ZNF423: variants seen among roughly 807,000 people sequenced by gnomAD.
The protein encoded by ZNF423 is Ebf-associated zinc finger protein.
In ZNF423, 12 loss-of-function variants were observed where a neutral mutation model predicts 95.8. The ratio of observed to expected loss-of-function variants is 0.13; its 90% CI spans 0.08 to 0.20. ZNF423 has a LOEUF of 0.20. Ranked by LOEUF, ZNF423 falls within the 10% of genes least tolerant of loss-of-function variation. The pLI is 1.00. For missense variants in ZNF423, 1,316 were observed against 1,737.1 expected (o/e 0.76, Z 4.31); for synonymous variants, 749 against 711.9 (o/e 1.05, Z -0.83).
chr16:49,584,001 G>C (rs996032426), intron 5 of ZNF423, among the ~76,000 whole-genome samples: 1 of 152,238 alleles, frequency 6.6e-6, no homozygotes, highest in African/African-American at 2.4e-5. Flanking sequence ...GCCAGGCCTA[G>C]AAGATGCTAG....
In ZNF423 at chr16:49,665,445, C is replaced by T. The variant is rs565834891; in HGVS notation, c.302-26571G>A. Among the ~76,000 whole-genome samples the T allele has an allele frequency of 7.9e-5, 12 of 152,190 alleles. No individual in the cohort carries two copies. In the East Asian group the frequency reaches 2.3e-3, roughly 29 times the overall value. On this transcript the variant is annotated intron_variant, in intron 3 of 7. Coordinates refer to ENST00000563137, the MANE Select transcript of ZNF423 (RefSeq NM_001379286.1). The stretch of plus-strand genomic sequence containing the variant: ...GTGGGGCCTGGGGGGAGAACAGGGG[C>T]GCAGTAAGGGTGCCAGAGCCCTCCT...
chr16:49,601,273 G>A (rs1410789051), intron 5 of ZNF423, among the ~76,000 whole-genome samples: 1 of 152,172 alleles, frequency 6.6e-6, no homozygotes, highest in Admixed American at 6.5e-5. Flanking sequence ...ACATCCGCTG[G>A]CTGTGTCACC....
At chr16:49,713,986 C>A (rs1399647322) in intron 3 of ZNF423, among the ~76,000 whole-genome samples, 5 of 152,192 alleles carry the variant, frequency 3.3e-5, no homozygotes, top group Non-Finnish European at 7.3e-5. Context: ...TCCCACAGGG[C>A]AGACAAGTCA....
At chr16:49,550,304 C>A (rs1245302625) in intron 5 of ZNF423, among the ~76,000 whole-genome samples, 1 of 152,232 alleles carries the variant, frequency 6.6e-6, no homozygotes, top group Non-Finnish European at 1.5e-5. Flanking sequence ...TCTGACATTA[C>A]CCTTCCCTTT....
intron 5 of ZNF423, among the ~76,000 whole-genome samples, chr16:49,622,536 G>T (rs371997763): frequency 6.6e-6 from 1 of 152,158 alleles, no homozygotes; most frequent in African/African-American, 2.4e-5. Context: ...CGAAGGCAAC[G>T]TCCCCCCTCT....
chr16:49,558,887 G>A (rs762228951), intron 5 of ZNF423, among the ~76,000 whole-genome samples: 2 of 152,206 alleles, frequency 1.3e-5, no homozygotes, highest in African/African-American at 4.8e-5. Flanking sequence ...GGAAGCGAGC[G>A]GGGTTTTGGG....
chr16:49,564,430 T>G (rs1439078059), intron 5 of ZNF423, among the ~76,000 whole-genome samples: 1 of 152,184 alleles, frequency 6.6e-6, no homozygotes, highest in African/African-American at 2.4e-5. Context: ...ACCCCTTCTG[T>G]GGCCTTGAGT....
At position 49,544,238 on chromosome 16, in the gene ZNF423, G is replaced by A. The variant is rs117122646; in HGVS notation, c.3602-18744C>T. On this transcript the variant is annotated intron_variant, in intron 5 of 7. Coordinates refer to ENST00000563137, the MANE Select transcript of ZNF423 (RefSeq NM_001379286.1). ...AGGTGAGGCCAGTGCTTGCCTTTGA[G>A]GGAGGCAATAGCAGGAAGGAGTGCA... Among the ~76,000 whole-genome samples, 64 of 152,346 alleles carry A rather than the reference G, an allele frequency of 4.2e-4. No homozygotes were observed. The East Asian group carries it at 0.012, about 28-fold the overall frequency.
rs1966934380 is a variant in ZNF423 at position 49,491,000 on chromosome 16, G to T, written c.*275C>A. 1 of 465,776 alleles carries T rather than the reference G, an allele frequency of 2.1e-6. No individual in the cohort carries two copies. The highest frequency in any genetic ancestry group is 3.3e-5 in the Admixed American group (1 of 29,906). The allele number at this position is 465,776 out of a possible 1,614,324, so 28.9% of individuals were successfully genotyped here. A position where few individuals can be genotyped will look rare whatever the true frequency, so the allele number is the denominator to read the frequency against. On this transcript the variant is annotated 3_prime_UTR_variant, in exon 8 of 8. Coordinates refer to ENST00000563137, the MANE Select transcript of ZNF423 (RefSeq NM_001379286.1). The stretch of plus-strand genomic sequence containing the variant: ...AAAGGACAATAGCCTTAAAAAGCAG[G>T]TTTCTCTAACTCTAGAAATGTAGTC...
intron 1 of ZNF423, among the ~76,000 whole-genome samples, chr16:49,803,451 G>T (rs1216076714): frequency 6.6e-6 from 1 of 152,044 alleles, no homozygotes; most frequent in African/African-American, 2.4e-5. Flanking sequence ...ATATTCCTTA[G>T]GTCAGAAGCT....
intron 5 of ZNF423, among the ~76,000 whole-genome samples, chr16:49,577,237 A>AATAATGTC (rs1970528825): frequency 6.6e-6 from 1 of 152,212 alleles, no homozygotes; most frequent in Non-Finnish European, 1.5e-5. Flanking sequence ...CCACAGCCAT[A>AATAATGTC]ATAATGTCAA....
intron 3 of ZNF423, among the ~76,000 whole-genome samples, chr16:49,680,005 T>C (rs2031282140): frequency 6.6e-6 from 1 of 152,192 alleles, no homozygotes; most frequent in South Asian, 2.1e-4. Flanking sequence ...AACCTACCTG[T>C]GGAAAAGAGC....
At chr16:49,561,227 G>T (rs1970006907) in intron 5 of ZNF423, among the ~76,000 whole-genome samples, 1 of 152,138 alleles carries the variant, frequency 6.6e-6, no homozygotes, top group African/African-American at 2.4e-5. Flanking sequence ...ACTGAAATTG[G>T]CCCACAGTGG....
intron 5 of ZNF423, among the ~76,000 whole-genome samples, chr16:49,587,525 A>G (rs555037750): frequency 6.6e-6 from 1 of 152,216 alleles, no homozygotes; most frequent in East Asian, 1.9e-4. Flanking sequence ...GCACTGAGAC[A>G]AGGGGCTTTG....
chr16:49,644,598 G>T (rs1346466747), intron 3 of ZNF423, among the ~76,000 whole-genome samples: 1 of 136,856 alleles, frequency 7.3e-6, no homozygotes, highest in Non-Finnish European at 1.5e-5. Context: ...ATGAGTTTGA[G>T]GCCGCAGTGA....
In ZNF423 at chr16:49,637,606, C is replaced by G. The variant is rs761241059; in HGVS notation, c.1570G>C (p.Ala524Pro). ...ATGGAGCACTGGTTGCAGAAGAAAG[C>G]ATTATTACCGTCAGAGGGGTTGGCG... ...PNANPSDGNN[A>P]FFCNQCSMGF... Residue 524 changes from alanine (A) to proline (P), a missense_variant, in exon 4 of 8, where the codon GCT becomes CCT. Physicochemically the swap from Ala to Pro is conservative, Grantham distance 27. Coordinates refer to ENST00000563137, the MANE Select transcript of ZNF423 (RefSeq NM_001379286.1). This position sits in a 1 kb window ranked among gnomAD's most constrained non-coding sequence, Gnocchi z 5.6. 3 of 1,613,898 alleles carry G rather than the reference C, an allele frequency of 1.9e-6. No individual in the cohort carries two copies. The highest frequency in any genetic ancestry group is 1.3e-5 in the African/African-American group (1 of 74,896).
At chr16:49,607,790 T>C (rs1334778710) in intron 5 of ZNF423, among the ~76,000 whole-genome samples, 1 of 152,198 alleles carries the variant, frequency 6.6e-6, no homozygotes, top group African/African-American at 2.4e-5. Context: ...CCATTATCCA[T>C]CCAAATGCTA....
intron 5 of ZNF423, among the ~76,000 whole-genome samples, chr16:49,585,866 G>T (rs556609307): frequency 6.6e-6 from 1 of 152,276 alleles, no homozygotes; most frequent in African/African-American, 2.4e-5. Context: ...TCTCAAGGCT[G>T]GCCTAGGCTG....
chr16:49,726,134 C>T (rs1178033139), intron 3 of ZNF423, among the ~76,000 whole-genome samples: 1 of 152,190 alleles, frequency 6.6e-6, no homozygotes, highest in Non-Finnish European at 1.5e-5. Flanking sequence ...GCACAGGCCC[C>T]TGCTGACAGC....
Sources: allele counts gnomAD v4.1 joint callset (sites outside exome capture counted in the v4.1 genomes callset), GRCh38; gene constraint gnomAD v4.1.1; non-coding constraint Gnocchi (gnomAD v3.1); transcripts MANE v1.5; gene names NCBI Gene and HGNC (gene_info 2026-07-23, HGNC 2026-07-21).